Variants in GRHL2 observed in about 807,000 individuals in gnomAD.
GRHL2 encodes the protein grainyhead like transcription factor 2, also known as grainyhead-like protein 2 homolog.
In GRHL2, 21 loss-of-function variants were observed where a neutral mutation model predicts 83.8. The ratio of observed to expected loss-of-function variants is 0.25; its 90% CI spans 0.18 to 0.36. GRHL2 has a LOEUF of 0.36. Among genes scored for constraint, GRHL2 ranks in the 10% least tolerant of loss-of-function variants. The pLI is 1.00. For synonymous variants in GRHL2, 280 were observed against 278.9 expected (o/e 1.00, Z -0.04); for missense variants, 623 against 781.8 (o/e 0.80, Z 2.42).
At chr8:101,579,969 T>A (rs553314925) in intron 7 of GRHL2, among the ~76,000 whole-genome samples, 1 of 152,268 alleles carries the variant, frequency 6.6e-6, no homozygotes, top group East Asian at 1.9e-4. Flanking sequence ...AATAAAAAAG[T>A]ATCCTGAATT....
At chr8:101,494,811 C>T (rs1321476475) in intron 1 of GRHL2, among the ~76,000 whole-genome samples, 5 of 152,214 alleles carry the variant, frequency 3.3e-5, no homozygotes, top group Non-Finnish European at 7.3e-5. Flanking sequence ...TTTCACCACA[C>T]GCATCACCTG....
intron 1 of GRHL2, among the ~76,000 whole-genome samples, chr8:101,540,762 T>G (rs61690104): frequency 0.031 from 4,703 of 152,306 alleles, 219 homozygotes; most frequent in African/African-American, 0.11. Context: ...CCCATAGGAA[T>G]GTCAGCAAAA....
chr8:101,678,761 C>T, the GRHL2 span, among the ~76,000 whole-genome samples: 852 of 151,950 alleles, frequency 5.6e-3, 1 homozygote, highest in African/African-American at 0.019. Flanking sequence ...CCTCCTCAAG[C>T]GGGTCCTTGA....
rs773803090 is a variant in GRHL2, at chr8:101,558,765, A to C, written c.631A>C (p.Thr211Pro). ...SAYLKDDQRS[T>P]PDSTYSESFK... ...CTATCTCAAAGACGACCAGCGCAGC[A>C]CTCCGGACAGCACATACAGCGAGAG... Residue 211 changes from threonine to proline, a missense_variant, in exon 4 of 16, where the codon ACT (threonine) becomes CCT (proline). By Grantham distance (38) the Thr-to-Pro change is conservative. Transcript: ENST00000646743. 9.9e-6 allele frequency: 16 copies of C among 1,613,946 alleles called. No individual in the cohort carries two copies. The highest frequency in any genetic ancestry group is 1.4e-5 in the Non-Finnish European group (16 of 1,180,014).
In GRHL2 at chr8:101,616,029, T is replaced by TTTTC. The variant is rs1019210182; in HGVS notation, c.1099-3496_1099-3493dup. 6.6e-5 allele frequency among the ~76,000 whole-genome samples: 10 copies of TTTTC among 151,894 alleles called. No homozygotes were observed. In the East Asian group the frequency reaches 9.7e-4, roughly 15 times the overall value. ...CATTTTTTCTTTCTTTCTTTCTATC[T>TTTTC]TTTCTTTCTTTCTTTCTCTTTCTCC... On this transcript the variant is annotated intron_variant, in intron 8 of 15. Transcript: ENST00000646743.
At chr8:101,498,392 T>C (rs1810152128) in intron 1 of GRHL2, among the ~76,000 whole-genome samples, 1 of 152,204 alleles carries the variant, frequency 6.6e-6, no homozygotes, top group Non-Finnish European at 1.5e-5. Context: ...AGTGCTGAGA[T>C]TGCAGGCATG....
intron 7 of GRHL2, among the ~76,000 whole-genome samples, chr8:101,593,891 C>T (rs1312114306): frequency 1.3e-5 from 2 of 151,590 alleles, no homozygotes; most frequent in African/African-American, 4.9e-5. Context: ...CATGGTGAAA[C>T]CCCATGTCTA....
intron 8 of GRHL2, among the ~76,000 whole-genome samples, chr8:101,607,034 G>T (rs951707530): frequency 1.3e-5 from 2 of 152,156 alleles, no homozygotes; most frequent in African/African-American, 2.4e-5. Flanking sequence ...TGAAAGGCTG[G>T]CTTGTATTCG....
chr8:101,677,200 CT>C, the GRHL2 span, among the ~76,000 whole-genome samples: 1 of 127,492 alleles, frequency 7.8e-6, no homozygotes, highest in African/African-American at 3.3e-5. Flanking sequence ...TACCCTAAAA[CT>C]TAAATAATAA....
chr8:101,621,757 G>A (rs1009604306), intron 9 of GRHL2, among the ~76,000 whole-genome samples: 5 of 152,066 alleles, frequency 3.3e-5, no homozygotes, highest in Admixed American at 6.6e-5. Flanking sequence ...AATTAGCCAG[G>A]TTCAGTGATG....
At position 101,631,695 on chromosome 8, in the gene GRHL2, G is replaced by A. The variant is rs559594937; in HGVS notation, c.1316G>A (p.Gly439Asp). Residue 439 changes from glycine to aspartate, a missense_variant, in exon 10 of 16, where the codon GGC becomes GAC. This residue lies in a region of GRHL2 where 210 missense variants were observed against 254.8 expected (regional missense o/e 0.82). Transcript: ENST00000646743. ...ERKQNRKKGKGQASQTQCNSS... is the reference protein window; with the variant it reads ...ERKQNRKKGKDQASQTQCNSS... ...AAGCAGAACAGGAAGAAAGGGAAAG[G>A]CCAGGCCTCCCAAACTCAATGCAAC... 3.1e-6 allele frequency: 5 copies of A among 1,613,714 alleles called. No individual in the cohort carries two copies. The African/African-American group carries it at 6.7e-5, about 22-fold the overall frequency.
the GRHL2 span, among the ~76,000 whole-genome samples, chr8:101,674,900 C>T: frequency 5.9e-5 from 9 of 152,104 alleles, no homozygotes; most frequent in South Asian, 6.3e-4. Context: ...AAGGCTGGTT[C>T]AACACATGCA....
At chr8:101,598,995 C>T in intron 7 of GRHL2, 62 bp from the exon 8 acceptor site, 2 of 1,106,348 alleles carry the variant, frequency 1.8e-6, no homozygotes, top group South Asian at 1.3e-5. Context: ...AATGATGGTT[C>T]AGTACATGTC....
intron 2 of GRHL2, among the ~76,000 whole-genome samples, chr8:101,544,246 A>G (rs115053494): frequency 0.029 from 4,348 of 152,254 alleles, 200 homozygotes; most frequent in African/African-American, 0.092. Flanking sequence ...TAGATTTTTC[A>G]GTTTTATAAG....
At chr8:101,519,338 C>T (rs1429592089) in intron 1 of GRHL2, among the ~76,000 whole-genome samples, 1 of 152,012 alleles carries the variant, frequency 6.6e-6, no homozygotes, top group African/African-American at 2.4e-5. Flanking sequence ...ATTGATTCTT[C>T]TACTGTTTTT....
At chr8:101,493,441 C>G (rs375024429) in intron 1 of GRHL2, among the ~76,000 whole-genome samples, 2 of 12,376 alleles carry the variant, frequency 1.6e-4, no homozygotes, top group Non-Finnish European at 1.4e-3. Flanking sequence ...CCTCCCCCGC[C>G]TCCCTCCCCC....
At chr8:101,535,760 G>A (rs1446801850) in intron 1 of GRHL2, among the ~76,000 whole-genome samples, 6 of 152,172 alleles carry the variant, frequency 3.9e-5, no homozygotes, top group African/African-American at 7.2e-5. Context: ...GGCTGGTCTC[G>A]AACTCCTGAC....
At chr8:101,511,682 T>A (rs1166908282) in intron 1 of GRHL2, among the ~76,000 whole-genome samples, 1 of 151,516 alleles carries the variant, frequency 6.6e-6, no homozygotes, top group African/African-American at 2.4e-5. Context: ...TTTTTAAATA[T>A]CTTCTAGGTT....
intron 6 of GRHL2, among the ~76,000 whole-genome samples, chr8:101,575,089 G>A (rs554126749): frequency 6.6e-6 from 1 of 152,264 alleles, no homozygotes; most frequent in East Asian, 1.9e-4. Context: ...CAGCATGGAG[G>A]GCTGAAGGCA....
Sources: gnomAD v4.1 joint callset for allele counts (sites outside exome capture counted in the v4.1 genomes callset) on GRCh38, gnomAD v4.1.1 for gene constraint, gnomAD v4.1.1 regional missense constraint, MANE v1.5 for transcripts, NCBI Gene and HGNC (gene_info 2026-07-23, HGNC 2026-07-21) for gene names.